COL4A4: variants seen among roughly 807,000 people sequenced by gnomAD.
COL4A4 encodes collagen type IV alpha 4 chain, also known as collagen alpha-4(IV) chain.
Under a neutral mutation model 192.9 loss-of-function variants are expected in COL4A4, and 105 were observed. That is an observed-to-expected ratio of 0.54 (90% CI 0.46 to 0.64). COL4A4 has a LOEUF of 0.64. Ranked by LOEUF, COL4A4 falls within the 30% of genes least tolerant of loss-of-function variation. COL4A4 has a pLI of 0.00. For synonymous variants in COL4A4, 762 were observed against 769.9 expected, an observed-to-expected ratio of 0.99 and a Z score of 0.17; for missense variants, 1,967 against 2,169.3, an observed-to-expected ratio of 0.91 and a Z score of 1.85.
chr2:227,065,041 G>C (rs975004097), intron 25 of COL4A4, among the ~76,000 whole-genome samples: 6 of 152,214 alleles, frequency 3.9e-5, no homozygotes, highest in African/African-American at 1.2e-4. Context: ...CACCGTGCAC[G>C]AGCCGAAGCA....
chr2:227,100,365 TATG>T (rs1207369887), intron 17 of COL4A4, among the ~76,000 whole-genome samples: 2 of 151,564 alleles, frequency 1.3e-5, no homozygotes, highest in African/African-American at 4.8e-5. Context: ...GATATGATAA[TATG>T]ATAATCATGC....
chr2:227,026,915 G>A (rs1966946701), intron 42 of COL4A4, among the ~76,000 whole-genome samples: 1 of 152,162 alleles, frequency 6.6e-6, no homozygotes, highest in Admixed American at 6.6e-5. Context: ...AATCAAATCA[G>A]TCTTTGCCTC....
At position 227,137,214 on chromosome 2, in the gene COL4A4, A is replaced by G. The variant is rs149901997; in HGVS notation, c.192+2947T>C. ...TGGAAAGTACACCATCTACACATGC[A>G]ATGCCTTGCGCTTGTTTAACAGCCC... On this transcript the variant is annotated intron_variant, in intron 4 of 47. Transcript: ENST00000396625. 2.0e-5 allele frequency among the ~76,000 whole-genome samples: 3 copies of G among 152,304 alleles called. No homozygotes were observed. The East Asian group carries it at 5.8e-4, about 29-fold the overall frequency.
chr2:227,090,071 C>T, intron 20 of COL4A4, 114 bp from the exon 21 acceptor site: 1 of 746,556 alleles, frequency 1.3e-6, no homozygotes, highest in Non-Finnish European at 2.3e-6. Flanking sequence ...CCTTTCCCAA[C>T]CCCATTCTTT....
At chr2:227,041,888 A>AAG (rs1305534466) in intron 37 of COL4A4, among the ~76,000 whole-genome samples, 1 of 148,414 alleles carries the variant, frequency 6.7e-6, no homozygotes, top group Non-Finnish European at 1.5e-5. Context: ...GAAAGAAAGA[A>AAG]AGAAAGAAAG....
intron 4 of COL4A4, among the ~76,000 whole-genome samples, chr2:227,138,858 G>A (rs2063003307): frequency 6.6e-6 from 1 of 152,156 alleles, no homozygotes; most frequent in Non-Finnish European, 1.5e-5. Context: ...CCCTTCTCTT[G>A]TGGGTAGTGT....
chr2:227,104,222 T>A (rs2060685911), intron 12 of COL4A4, 170 bp from the exon 13 acceptor site: 1 of 664,768 alleles, frequency 1.5e-6, no homozygotes, highest in East Asian at 2.8e-5. Flanking sequence ...CTTATAAAAA[T>A]TTAATACACA....
intron 4 of COL4A4, among the ~76,000 whole-genome samples, chr2:227,133,832 A>G (rs1490259871): frequency 6.6e-6 from 1 of 152,092 alleles, no homozygotes; most frequent in African/African-American, 2.4e-5. Context: ...CAGAGGTTGC[A>G]GTGAGCCAAG....
chr2:227,024,611 A>G (rs1342919875), intron 43 of COL4A4, among the ~76,000 whole-genome samples: 1 of 152,280 alleles, frequency 6.6e-6, no homozygotes, highest in African/African-American at 2.4e-5. Context: ...AATCCTTAAC[A>G]AAATGTGGCA....
the COL4A4 span, among the ~76,000 whole-genome samples, chr2:226,985,024 C>T: frequency 6.6e-6 from 1 of 152,096 alleles, no homozygotes; most frequent in Admixed American, 6.5e-5. Context: ...TAACCAGTAC[C>T]ACCTGATTAG....
the COL4A4 span, among the ~76,000 whole-genome samples, chr2:226,982,139 T>C: frequency 6.6e-6 from 1 of 152,274 alleles, no homozygotes; most frequent in Admixed American, 6.5e-5. Flanking sequence ...TCACATGTGG[T>C]AGGGTTGGGC....
At chr2:227,060,050 T>C in intron 27 of COL4A4, 86 bp downstream of exon 27, 1 of 878,946 alleles carries the variant, frequency 1.1e-6, no homozygotes, top group Non-Finnish European at 1.8e-6. Context: ...CTCAATGAAA[T>C]TATCCATCGG....
Position 227,051,073 on chromosome 2 carries a change from A to T in COL4A4, c.3054T>A (p.Gly1018=). 6.2e-7 allele frequency: 1 copy of T among 1,614,048 alleles called. No homozygotes were observed. The highest frequency in any genetic ancestry group is 8.5e-7 in the Non-Finnish European group (1 of 1,179,994). The part of the protein sequence containing the change: ...GPPGFHRGEP[G]EKGQPGPPGP... ...CAGGAGGCCCTGGCTGACCTTTCTC[A>T]CCAGGTTCCCCTCTGTGAAATCCAG... The change falls in exon 33 of 48, where the codon GGT becomes GGA. Residue 1018 remains glycine, a synonymous_variant. Transcript: ENST00000396625.
intron 44 of COL4A4, among the ~76,000 whole-genome samples, chr2:227,015,608 A>T (rs1000603589): frequency 6.6e-6 from 1 of 152,146 alleles, no homozygotes; most frequent in African/African-American, 2.4e-5. Context: ...TGACTTGCTC[A>T]ATGTCTTCAT....
chr2:227,147,650 ATT>A (rs2063634245), intron 1 of COL4A4, 66 bp from the exon 2 acceptor site: 2 of 619,604 alleles, frequency 3.2e-6, no homozygotes, highest in Non-Finnish European at 5.8e-6. Flanking sequence ...AATTACTTTC[ATT>A]TTTTATCGTT....
chr2:226,990,485 G>C, the COL4A4 span, among the ~76,000 whole-genome samples: 1 of 152,120 alleles, frequency 6.6e-6, no homozygotes, highest in Non-Finnish European at 1.5e-5. Context: ...TCACTGCATG[G>C]CATAGTGCGT....
chr2:227,106,732 A>C (rs566136969), intron 12 of COL4A4, among the ~76,000 whole-genome samples: 7 of 152,176 alleles, frequency 4.6e-5, no homozygotes, highest in African/African-American at 1.7e-4. Flanking sequence ...TGCCCGGCTA[A>C]TTTTTGTATT....
intron 14 of COL4A4, 83 bp from the exon 15 acceptor site, chr2:227,102,931 A>T: frequency 9.0e-7 from 1 of 1,108,880 alleles, no homozygotes; most frequent in Admixed American, 1.8e-5. Flanking sequence ...AATAGGGAAA[A>T]AAAACAAAAT....
chr2:227,014,068 C>T lies in COL4A4; in HGVS notation c.4217-1771G>A, dbSNP rs140251606. 3.9e-5 allele frequency among the ~76,000 whole-genome samples: 6 copies of T among 152,222 alleles called. No individual in the cohort carries two copies. In the East Asian group the frequency reaches 7.7e-4, roughly 19 times the overall value. On this transcript the variant is annotated intron_variant, in intron 44 of 47. Coordinates refer to ENST00000396625, the MANE Select transcript of COL4A4 (RefSeq NM_000092.5). ...ACGCAGGCCCCTCCCTGCCCCTCTGCGGCCCCAGGTGAGGCCCCGACTGTG... is the reference window on the plus strand; with the variant it reads ...ACGCAGGCCCCTCCCTGCCCCTCTGTGGCCCCAGGTGAGGCCCCGACTGTG...
Sources: gnomAD v4.1 joint callset for allele counts (sites outside exome capture counted in the v4.1 genomes callset) on GRCh38, gnomAD v4.1.1 for gene constraint, MANE v1.5 for transcripts, NCBI Gene and HGNC (gene_info 2026-07-23, HGNC 2026-07-21) for gene names.